EIF2AK2: variants seen among roughly 807,000 people sequenced by gnomAD.
The protein encoded by EIF2AK2 is interferon-induced, double-stranded RNA-activated protein kinase.
A neutral mutation model predicts 70.5 loss-of-function variants in EIF2AK2; 40 were observed. That is an observed-to-expected ratio of 0.57 (90% CI 0.44 to 0.74). The LOEUF (loss-of-function observed/expected upper bound fraction) is 0.74, where lower values mean the gene tolerates loss of function less well. Ranked by LOEUF, EIF2AK2 falls within the 30% of genes least tolerant of loss-of-function variation. The pLI, the probability that EIF2AK2 is intolerant of heterozygous loss-of-function variation, is 0.00. For synonymous variants in EIF2AK2, 198 were observed against 220.9 expected (o/e 0.90, Z 0.92); for missense variants, 555 against 644.3 (o/e 0.86, Z 1.50).
At chr2:37,148,665 GA>G in intron 2 of EIF2AK2, 191 bp downstream of exon 2, 1 of 819,924 alleles carries the variant, frequency 1.2e-6, no homozygotes, top group Non-Finnish European at 2.2e-6. Flanking sequence ...CTTAGAACTG[GA>G]AGGACACTTT....
chr2:37,147,669 AT>A lies in EIF2AK2; in HGVS notation c.119+18del. 5 of 1,541,880 alleles carry A rather than the reference AT, an allele frequency of 3.2e-6. No homozygotes were observed. Among genetic ancestry groups the A allele is most frequent in the South Asian group, 1.1e-5 (1 of 89,494 alleles). On this transcript the variant is annotated intron_variant, in intron 3 of 16. Coordinates refer to ENST00000233057, the MANE Select transcript of EIF2AK2 (RefSeq NM_001135651.3). ...CATCATTTTTTATGGCTGCCATATCATTTTTTATAGCAACCTACCTCCTATC... is the reference window on the plus strand; with the variant it reads ...CATCATTTTTTATGGCTGCCATATCATTTTTATAGCAACCTACCTCCTATC...
In EIF2AK2 at chr2:37,122,551, A is replaced by G; in HGVS notation, c.1022T>C (p.Leu341Pro). The G allele has an allele frequency of 3.1e-6, 5 of 1,614,172 alleles. No individual in the cohort carries two copies. The highest frequency in any genetic ancestry group is 4.2e-6 in the Non-Finnish European group (5 of 1,180,022). ...CTCAGGATCATAATCACTGCTCTCA[A>G]GAGAATCATCACTGGTCTCAGGATC... ...DYDPETSDDS[L>P]ESSDYDPENS... The change falls in exon 12 of 17, where the codon CTT (leucine) becomes CCT (proline). Residue 341 changes from leucine (L) to proline (P), a missense_variant. By Grantham distance (98) the Leu-to-Pro change is moderately conservative (BLOSUM62 -3). Coordinates refer to ENST00000233057, the MANE Select transcript of EIF2AK2 (RefSeq NM_001135651.3).
chr2:37,114,708 G>C (rs1674274944), intron 14 of EIF2AK2, 23 bp downstream of exon 14: 1 of 1,516,892 alleles, frequency 6.6e-7, no homozygotes, highest in Admixed American at 2.4e-5. Context: ...GTAAAATATA[G>C]ACAGACAGGA....
At chr2:37,146,083 A>T (rs531642327) in intron 4 of EIF2AK2, among the ~76,000 whole-genome samples, 1 of 152,172 alleles carries the variant, frequency 6.6e-6, no homozygotes, top group African/African-American at 2.4e-5. Flanking sequence ...TTTTTACCGT[A>T]CTTTTTCTGT....
At chr2:37,110,139 C>T (rs985220693) in intron 14 of EIF2AK2, among the ~76,000 whole-genome samples, 1 of 151,616 alleles carries the variant, frequency 6.6e-6, no homozygotes, top group East Asian at 1.9e-4. Flanking sequence ...GGCGTGGTCT[C>T]GGCTCACAGC....
intron 4 of EIF2AK2, among the ~76,000 whole-genome samples, chr2:37,146,473 T>C (rs1043158886): frequency 6.6e-6 from 1 of 152,220 alleles, no homozygotes; most frequent in Non-Finnish European, 1.5e-5. Context: ...CCACTGTACA[T>C]TATTCTCCCT....
At chr2:37,117,861 G>A (rs111654902) in intron 13 of EIF2AK2, among the ~76,000 whole-genome samples, 389 of 152,282 alleles carry the variant, frequency 2.6e-3, no homozygotes, top group African/African-American at 9.1e-3. Flanking sequence ...GTTAGGTAAA[G>A]ACCATTCTCT....
Position 37,111,536 on chromosome 2 carries a change from A to C in EIF2AK2, c.1378-2241T>G, listed in dbSNP as rs550011020. ...TCATTTTAATAGCAAAATGCAATACAGATTCTGGAGAAAGCTTCAAAAATA... is the reference window on the plus strand; with the variant it reads ...TCATTTTAATAGCAAAATGCAATACCGATTCTGGAGAAAGCTTCAAAAATA... On this transcript the variant is annotated intron_variant, in intron 14 of 16. Coordinates refer to ENST00000233057, the MANE Select transcript of EIF2AK2 (RefSeq NM_001135651.3). 1.8e-4 allele frequency among the ~76,000 whole-genome samples: 27 copies of C among 151,768 alleles called. No homozygotes were observed. In the East Asian group the frequency reaches 4.3e-3, roughly 24 times the overall value.
At position 37,149,014 on chromosome 2, in the gene EIF2AK2, G is replaced by A. The variant is rs1049889067; in HGVS notation, c.-174C>T. On this transcript the variant is annotated 5_prime_UTR_variant, in exon 2 of 17. Coordinates refer to ENST00000233057, the MANE Select transcript of EIF2AK2 (RefSeq NM_001135651.3). Reference sequence around the variant, plus strand: ...AAATCCAGGAAGGCAAACTGAATTTGCTCCAGAAACTGGTAAAAGAGAAAA... The same window carrying A: ...AAATCCAGGAAGGCAAACTGAATTTACTCCAGAAACTGGTAAAAGAGAAAA... 8 of 948,808 alleles carry A rather than the reference G, an allele frequency of 8.4e-6. No homozygotes were observed. The highest frequency in any genetic ancestry group is 3.2e-5 in the African/African-American group (2 of 62,552). The allele number at this position is 948,808 out of a possible 1,614,324, so 58.8% of individuals were successfully genotyped here. A position where few individuals can be genotyped will look rare whatever the true frequency, so the allele number is the denominator to read the frequency against.
chr2:37,113,239 T>TA (rs1674219350), intron 14 of EIF2AK2, among the ~76,000 whole-genome samples: 1 of 152,174 alleles, frequency 6.6e-6, no homozygotes, highest in African/African-American at 2.4e-5. Flanking sequence ...CTCACGTCTG[T>TA]AATCCCAGCA....
intron 13 of EIF2AK2, among the ~76,000 whole-genome samples, chr2:37,117,509 C>T (rs1458003602): frequency 2.6e-5 from 4 of 152,156 alleles, no homozygotes; most frequent in African/African-American, 9.7e-5. Context: ...TGCACTCCAG[C>T]CTGGGCAACA....
Position 37,107,198 on chromosome 2 carries a change from T to G in EIF2AK2, c.*75A>C. 1 of 1,490,516 alleles carries G rather than the reference T, an allele frequency of 6.7e-7. No individual in the cohort carries two copies. Among genetic ancestry groups the G allele is most frequent in the Non-Finnish European group, 9.0e-7 (1 of 1,105,442 alleles). 92.3% of individuals were successfully genotyped at this position (1,490,516 alleles called of 1,614,324 possible). A position where few individuals can be genotyped will look rare whatever the true frequency, so the allele number is the denominator to read the frequency against. On this transcript the variant is annotated 3_prime_UTR_variant, in exon 17 of 17. Coordinates refer to ENST00000233057, the MANE Select transcript of EIF2AK2 (RefSeq NM_001135651.3). ...ATTAAAATAAAAGGTAAATATCTAT[T>G]GATATTCCCTAGCAGATTTTAGATA... is the stretch of plus-strand genomic sequence containing the variant.
intron 4 of EIF2AK2, among the ~76,000 whole-genome samples, chr2:37,144,049 T>C (rs1404079756): frequency 6.6e-6 from 1 of 152,210 alleles, no homozygotes; most frequent in Non-Finnish European, 1.5e-5. Flanking sequence ...CATAAGATTA[T>C]AATGGAGCTA....
intron 13 of EIF2AK2, among the ~76,000 whole-genome samples, chr2:37,119,467 G>A (rs1005585292): frequency 5.3e-5 from 8 of 152,036 alleles, no homozygotes; most frequent in African/African-American, 1.7e-4. Flanking sequence ...GCAGCCAGTT[G>A]GCTGTGCCAG....
rs553563389 is a variant in EIF2AK2 at position 37,143,620 on chromosome 2, A to G, written c.241-1919T>C. Among the ~76,000 whole-genome samples the G allele has an allele frequency of 1.4e-4, 21 of 152,168 alleles. No individual in the cohort carries two copies. In the South Asian group the frequency reaches 4.4e-3, roughly 32 times the overall value. ...TACTTATAGCTGGGTGTGGTGGCTCATGCCTGCAATCCTAGCACTTTGGGA... is the reference window on the plus strand; with the variant it reads ...TACTTATAGCTGGGTGTGGTGGCTCGTGCCTGCAATCCTAGCACTTTGGGA... On this transcript the variant is annotated intron_variant, in intron 4 of 16. Transcript: ENST00000233057.
At chr2:37,130,674 C>A (rs145882713) in intron 10 of EIF2AK2, among the ~76,000 whole-genome samples, 1 of 152,168 alleles carries the variant, frequency 6.6e-6, no homozygotes, top group Non-Finnish European at 1.5e-5. Context: ...CTTGGACTGA[C>A]GCTGACACAG....
intron 2 of EIF2AK2, 141 bp downstream of exon 2, chr2:37,148,716 A>G: frequency 1.2e-6 from 1 of 826,486 alleles, no homozygotes. Context: ...ATAAAAATTT[A>G]TATTGACAGA....
intron 11 of EIF2AK2, among the ~76,000 whole-genome samples, chr2:37,125,389 A>C (rs1167404320): frequency 6.6e-6 from 1 of 152,212 alleles, no homozygotes; most frequent in Non-Finnish European, 1.5e-5. Flanking sequence ...CCTTGAATCT[A>C]AGCTGGCTTC....
chr2:37,136,423 G>C (rs1263515031), intron 9 of EIF2AK2, among the ~76,000 whole-genome samples: 1 of 152,122 alleles, frequency 6.6e-6, no homozygotes, highest in Admixed American at 6.6e-5. Flanking sequence ...AGTAATCGTG[G>C]CTGAGGGCAC....
Sources: gnomAD v4.1 joint callset for allele counts (sites outside exome capture counted in the v4.1 genomes callset) on GRCh38, gnomAD v4.1.1 for gene constraint, MANE v1.5 for transcripts, NCBI Gene and HGNC (gene_info 2026-07-23, HGNC 2026-07-21) for gene names.